The following IL4R variants were observed in gnomAD, a reference collection of about 807,000 sequenced individuals.
IL4R encodes the protein interleukin-4 receptor subunit alpha.
IL4R carries 17 observed loss-of-function variants against 41.5 expected under a neutral mutation model. That is an observed-to-expected ratio of 0.41 (90% CI 0.28 to 0.61). The LOEUF (loss-of-function observed/expected upper bound fraction) is 0.61. Among genes scored for constraint, IL4R ranks in the 20% least tolerant of loss-of-function variants. IL4R has a pLI of 0.31. For missense variants in IL4R, 974 were observed against 1,043.1 expected (o/e 0.93, Z 0.91); for synonymous variants, 402 against 422.9 (o/e 0.95, Z 0.61).
Position 27,363,957 on chromosome 16 carries a change from A to C in IL4R, c.*127A>C, listed in dbSNP as rs2086409612. On this transcript the variant is annotated 3_prime_UTR_variant, in exon 11 of 11. Coordinates refer to ENST00000395762, the MANE Select transcript of IL4R (RefSeq NM_000418.4). Reference sequence around the variant, plus strand: ...AAAGACTTGAAGAACCATGGTATGAAGGTGATTGGCCCCACTGACGTTGGC... The same window carrying C: ...AAAGACTTGAAGAACCATGGTATGACGGTGATTGGCCCCACTGACGTTGGC... 8.7e-7 allele frequency: 1 copy of C among 1,143,938 alleles called. No homozygotes were observed. Among genetic ancestry groups the C allele is most frequent in the African/African-American group, 1.6e-5 (1 of 63,870 alleles). The allele number at this position is 1,143,938 out of a possible 1,614,324, so 70.9% of individuals were successfully genotyped here.
At chr16:27,340,823 A>G (rs1297820219) in intron 3 of IL4R, among the ~76,000 whole-genome samples, 1 of 152,234 alleles carries the variant, frequency 6.6e-6, no homozygotes, top group Non-Finnish European at 1.5e-5. Context: ...TAGGGAAGTC[A>G]GGGAAGGCCT....
chr16:27,329,867 G>T (rs1374331039), intron 1 of IL4R, among the ~76,000 whole-genome samples, 199 bp from the exon 2 acceptor site: 1 of 150,744 alleles, frequency 6.6e-6, no homozygotes, highest in Admixed American at 6.7e-5. Context: ...GCCCGCATTA[G>T]TTGAGGGGGG....
At chr16:27,325,164 T>C (rs926322159) in intron 1 of IL4R, among the ~76,000 whole-genome samples, 1 of 152,090 alleles carries the variant, frequency 6.6e-6, no homozygotes, top group Non-Finnish European at 1.5e-5. Context: ...TTCTCCCCCT[T>C]GCTCCAGCCA....
intron 10 of IL4R, among the ~76,000 whole-genome samples, chr16:27,361,507 C>T (rs1304458114): frequency 6.6e-6 from 1 of 152,064 alleles, no homozygotes; most frequent in Non-Finnish European, 1.5e-5. Context: ...GTTGCCCCGC[C>T]ACTGTGGCCT....
Position 27,345,391 on chromosome 16 carries a change from G to A in IL4R, c.361+371G>A, listed in dbSNP as rs1326776989. 1 of 370,882 alleles carries A rather than the reference G, an allele frequency of 2.7e-6. No homozygotes were observed. Among genetic ancestry groups the A allele is most frequent in the African/African-American group, 2.1e-5 (1 of 47,504 alleles). 23.0% of individuals were successfully genotyped at this position (370,882 alleles called of 1,614,324 possible). On this transcript the variant is annotated intron_variant, in intron 5 of 10. Coordinates refer to ENST00000395762, the MANE Select transcript of IL4R (RefSeq NM_000418.4). The surrounding 1 kb of genome is among the most constrained non-coding windows in gnomAD (Gnocchi z 4.5). ...CTGGTCAGCTGCTGCGGCTTTGGAT[G>A]GTCTTGACCGTGGAAGGCTGACCTT... is the stretch of plus-strand genomic sequence containing the variant.
chr16:27,344,387 A>G (rs2141142824), intron 4 of IL4R, among the ~76,000 whole-genome samples: 1 of 149,998 alleles, frequency 6.7e-6, no homozygotes, highest in African/African-American at 2.4e-5. Flanking sequence ...AAAAAAGGAA[A>G]TTGTGTGGCC....
At chr16:27,332,676 A>G (rs1297101431) in intron 2 of IL4R, among the ~76,000 whole-genome samples, 2 of 151,768 alleles carry the variant, frequency 1.3e-5, no homozygotes, top group African/African-American at 4.8e-5. Context: ...AATTTCATTG[A>G]TGTATGCTCC....
intron 1 of IL4R, among the ~76,000 whole-genome samples, chr16:27,314,698 C>G (rs1410874281): frequency 1.3e-5 from 2 of 152,168 alleles, no homozygotes; most frequent in Non-Finnish European, 2.9e-5. Flanking sequence ...CAGGCAATCC[C>G]ACGCCAGAGC....
intron 1 of IL4R, among the ~76,000 whole-genome samples, chr16:27,323,677 A>AT (rs2084875955): frequency 6.7e-6 from 1 of 149,476 alleles, no homozygotes; most frequent in African/African-American, 2.5e-5. Context: ...TTTTTTAGAG[A>AT]TAGGGTCTCA....
rs942332735 is a variant in IL4R, at chr16:27,330,124, C to T, written c.-93C>T. On this transcript the variant is annotated 5_prime_UTR_variant, in exon 2 of 11. Transcript: ENST00000395762. ...CATAGAGAAGCCGGGCGTGGTGGCTCATGCCTATAATCCCAGCACTTTTGG... is the reference window on the plus strand; with the variant it reads ...CATAGAGAAGCCGGGCGTGGTGGCTTATGCCTATAATCCCAGCACTTTTGG... 4 of 152,198 alleles carry T rather than the reference C, an allele frequency of 2.6e-5. No homozygotes were observed. The highest frequency in any genetic ancestry group is 4.8e-5 in the African/African-American group (2 of 41,550). 9.4% of individuals were successfully genotyped at this position (152,198 alleles called of 1,614,324 possible).
intron 2 of IL4R, among the ~76,000 whole-genome samples, chr16:27,339,015 C>T (rs1329104460): frequency 2.0e-5 from 3 of 151,920 alleles, no homozygotes; most frequent in African/African-American, 4.8e-5. Flanking sequence ...CCACCACACT[C>T]GGCTAGTTTT....
Position 27,362,891 on chromosome 16 carries a change from G to T in IL4R, c.1539G>T (p.Leu513=). The change falls in exon 11 of 11, where the codon CTG becomes CTT. Residue 513 remains leucine, a synonymous_variant. Coordinates refer to ENST00000395762, the MANE Select transcript of IL4R (RefSeq NM_000418.4). The part of the protein sequence containing the change: ...SLSQSPCPRE[L]GPDPLLARHL... ...GCCAGTCACCGTGTCCCAGAGAGCT[G>T]GGTCCAGACCCACTGCTGGCCAGAC... The T allele has an allele frequency of 6.2e-7, 1 of 1,614,150 alleles. No homozygotes were observed. Among genetic ancestry groups the T allele is most frequent in the Non-Finnish European group, 8.5e-7 (1 of 1,180,038 alleles).
At chr16:27,349,396 C>T (rs949763294) in intron 6 of IL4R, among the ~76,000 whole-genome samples, 1 of 152,192 alleles carries the variant, frequency 6.6e-6, no homozygotes, top group African/African-American at 2.4e-5. Context: ...TAGAGCTACT[C>T]ATTCATTCCC....
At chr16:27,351,507 TCTC>T (rs2085870946) in intron 6 of IL4R, among the ~76,000 whole-genome samples, 1 of 113,680 alleles carries the variant, frequency 8.8e-6, no homozygotes, top group Admixed American at 1.2e-4. Context: ...TCTCTCTCTC[TCTC>T]TTTTTTTTTT....
At position 27,363,441 on chromosome 16, in the gene IL4R, G is replaced by A. The variant is rs766327884; in HGVS notation, c.2089G>A (p.Glu697Lys). The A allele has an allele frequency of 3.7e-6, 6 of 1,614,128 alleles. No individual in the cohort carries two copies. Among genetic ancestry groups the A allele is most frequent in the Non-Finnish European group, 4.2e-6 (5 of 1,180,012 alleles). ...EDMPKPPLPQ[E>K]QATDPLVDSL... Reference sequence around the variant, plus strand: ...CATGCCAAAGCCCCCACTTCCCCAGGAGCAGGCCACAGACCCCCTTGTGGA... The same window carrying A: ...CATGCCAAAGCCCCCACTTCCCCAGAAGCAGGCCACAGACCCCCTTGTGGA... Residue 697 changes from glutamate to lysine, a missense_variant, in exon 11 of 11, where the codon GAG becomes AAG. Coordinates refer to ENST00000395762, the MANE Select transcript of IL4R (RefSeq NM_000418.4).
intron 3 of IL4R, chr16:27,340,979 G>A: frequency 2.1e-6 from 1 of 474,314 alleles, no homozygotes; most frequent in Non-Finnish European, 4.1e-6. Flanking sequence ...GGAGGGAGCA[G>A]TGAAGGTCAG....
intron 2 of IL4R, among the ~76,000 whole-genome samples, chr16:27,332,613 C>T (rs939098765): frequency 2.0e-5 from 3 of 151,926 alleles, no homozygotes; most frequent in East Asian, 1.9e-4. Flanking sequence ...TTGATCTTTT[C>T]GAAGAACCAA....
chr16:27,332,901 T>A (rs2085153380), intron 2 of IL4R, among the ~76,000 whole-genome samples: 1 of 152,090 alleles, frequency 6.6e-6, no homozygotes, highest in Non-Finnish European at 1.5e-5. Flanking sequence ...TTTTAGTTTC[T>A]CTTGTGATTT....
chr16:27,342,192 A>T lies in IL4R; in HGVS notation c.142A>T (p.Met48Leu). Residue 48 changes from methionine (M) to leucine (L), a missense_variant, in exon 4 of 11, where the codon ATG becomes TTG. By Grantham distance (15) the Met-to-Leu change is conservative. Transcript: ENST00000395762. ...YMSISTCEWK[M>L]NGPTNCSTEL... is the part of the protein sequence containing the mutation. ...GAGCATCTCTACTTGCGAGTGGAAG[A>T]TGAATGGTCCCACCAATTGCAGCAC... is the stretch of plus-strand genomic sequence containing the variant. 1 of 1,614,176 alleles carries T rather than the reference A, an allele frequency of 6.2e-7. No individual in the cohort carries two copies. The highest frequency in any genetic ancestry group is 8.5e-7 in the Non-Finnish European group (1 of 1,180,032).
Sources: allele counts gnomAD v4.1 joint callset (sites outside exome capture counted in the v4.1 genomes callset), GRCh38; gene constraint gnomAD v4.1.1; non-coding constraint Gnocchi (gnomAD v3.1); transcripts MANE v1.5; gene names NCBI Gene and HGNC (gene_info 2026-07-23, HGNC 2026-07-21).